The following PCDHA3 variants were observed in gnomAD, a reference collection of about 807,000 sequenced individuals.
PCDHA3 encodes the protein protocadherin alpha 3, also known as protocadherin alpha-3.
In PCDHA3, 41 loss-of-function variants were observed where a neutral mutation model predicts 62.2. The observed-to-expected ratio is 0.66, with a 90% CI of 0.51 to 0.86. The LOEUF is 0.86. Ranked by LOEUF, PCDHA3 falls within the 40% of genes least tolerant of loss-of-function variation. The probability of loss-of-function intolerance (pLI) is 0.00; values close to 1 mark genes in which losing one functional copy is unlikely to be tolerated. For missense variants in PCDHA3, 1,304 were observed against 1,241.2 expected (o/e 1.05, Z -0.76); for synonymous variants, 640 against 555.4 (o/e 1.15, Z -2.14).
intron 1 of PCDHA3, among the ~76,000 whole-genome samples, chr5:140,962,298 A>T (rs2095671297): frequency 6.6e-6 from 1 of 152,204 alleles, no homozygotes; most frequent in South Asian, 2.1e-4. Context: ...ATATTCTATG[A>T]TTCTTGTTAG....
chr5:140,873,153 C>T (rs2054129567), intron 1 of PCDHA3, among the ~76,000 whole-genome samples: 1 of 152,224 alleles, frequency 6.6e-6, no homozygotes, highest in East Asian at 1.9e-4. Flanking sequence ...TATTCATAGA[C>T]TTTAGATCGA....
chr5:140,821,713 T>C, intron 1 of PCDHA3: 1 of 1,478,600 alleles, frequency 6.8e-7, no homozygotes. Flanking sequence ...AATTGGGAAT[T>C]GAATTTACAA....
chr5:140,895,885 C>T (rs2065231883), intron 1 of PCDHA3, among the ~76,000 whole-genome samples: 1 of 152,174 alleles, frequency 6.6e-6, no homozygotes, highest in South Asian at 2.1e-4. Context: ...GATCTCGGCT[C>T]ACTGCAACCT....
chr5:140,907,761 T>C (rs1554193135), intron 1 of PCDHA3, among the ~76,000 whole-genome samples: 4 of 152,182 alleles, frequency 2.6e-5, no homozygotes, highest in African/African-American at 9.7e-5. Flanking sequence ...ATGGGCCCAT[T>C]GGGTGATGAC....
intron 1 of PCDHA3, among the ~76,000 whole-genome samples, chr5:140,950,402 G>A (rs1459486068): frequency 6.6e-6 from 1 of 151,846 alleles, no homozygotes; most frequent in African/African-American, 2.4e-5. Context: ...AATTCTGGGG[G>A]ATTGACAGAT....
chr5:140,947,704 G>T (rs1199039011), intron 1 of PCDHA3, among the ~76,000 whole-genome samples: 2 of 151,488 alleles, frequency 1.3e-5, no homozygotes, highest in East Asian at 3.9e-4. Flanking sequence ...GTAGTTTTAA[G>T]TATTGAGGTT....
intron 1 of PCDHA3, chr5:140,816,386 T>C (rs1379079395): frequency 6.6e-6 from 1 of 152,250 alleles, no homozygotes; most frequent in African/African-American, 2.4e-5. Context: ...GCTGAAATTC[T>C]GATTCTGCTT....
At chr5:140,841,754 T>A in intron 1 of PCDHA3, 1 of 1,613,818 alleles carries the variant, frequency 6.2e-7, no homozygotes, top group Non-Finnish European at 8.5e-7. Context: ...TGTTTCAGAA[T>A]CCAGAATGCC....
At chr5:140,870,496 G>A in intron 1 of PCDHA3, 1 of 1,614,234 alleles carries the variant, frequency 6.2e-7, no homozygotes, top group Non-Finnish European at 8.5e-7. Flanking sequence ...GTTCGTGAAG[G>A]AGAACAACCC....
intron 1 of PCDHA3, chr5:140,927,597 C>T (rs781933372): frequency 1.2e-6 from 2 of 1,614,200 alleles, no homozygotes; most frequent in South Asian, 1.1e-5. Context: ...TATTTGAGCG[C>T]TCCGTATACC....
intron 3 of PCDHA3, among the ~76,000 whole-genome samples, chr5:141,007,967 G>A (rs1191510244): frequency 6.6e-6 from 1 of 152,176 alleles, no homozygotes; most frequent in Admixed American, 6.5e-5. Flanking sequence ...TTCTCTGGGT[G>A]TCTGTCATGT....
At chr5:140,896,262 T>C (rs2065465092) in intron 1 of PCDHA3, among the ~76,000 whole-genome samples, 2 of 152,258 alleles carry the variant, frequency 1.3e-5, no homozygotes, top group African/African-American at 4.8e-5. Flanking sequence ...TGTACACAGT[T>C]ATGGGATTTG....
At chr5:140,884,871 A>T (rs1193714340) in intron 1 of PCDHA3, among the ~76,000 whole-genome samples, 1 of 152,210 alleles carries the variant, frequency 6.6e-6, no homozygotes, top group Non-Finnish European at 1.5e-5. Context: ...CCATAATGAA[A>T]TGTGCAAAAC....
Position 140,809,449 on chromosome 5 carries a change from G to A in PCDHA3, c.2394+5858G>A, listed in dbSNP as rs1254569390. The A allele has an allele frequency of 2.5e-6, 4 of 1,614,142 alleles. No homozygotes were observed. The African/African-American group carries it at 5.3e-5, about 22-fold the overall frequency. ...GGAGCTGGTCATACTCGCAGCAGAGGAGGCCGAGGGTGTGCTCTGGTGAGG... is the reference window on the plus strand; with the variant it reads ...GGAGCTGGTCATACTCGCAGCAGAGAAGGCCGAGGGTGTGCTCTGGTGAGG... On this transcript the variant is annotated intron_variant, in intron 1 of 3. Coordinates refer to ENST00000522353, the MANE Select transcript of PCDHA3 (RefSeq NM_018906.3).
At chr5:140,870,241 G>A (rs782478787) in intron 1 of PCDHA3, 2 of 1,614,196 alleles carry the variant, frequency 1.2e-6, no homozygotes, top group South Asian at 1.1e-5. Flanking sequence ...TGACTCAGGT[G>A]TCAACGGACA....
chr5:140,901,611 T>C (rs1261733801), intron 1 of PCDHA3, among the ~76,000 whole-genome samples: 1 of 152,204 alleles, frequency 6.6e-6, no homozygotes, highest in Non-Finnish European at 1.5e-5. Flanking sequence ...ATCTCTATGG[T>C]ATAATTTGAA....
intron 1 of PCDHA3, among the ~76,000 whole-genome samples, chr5:140,900,338 C>T (rs145242611): frequency 0.027 from 4,159 of 152,082 alleles, 89 homozygotes; most frequent in Non-Finnish European, 0.044. Flanking sequence ...AGTACCGTGG[C>T]GCAATCTTGG....
chr5:140,829,679 C>A (rs2150172389), intron 1 of PCDHA3: 1 of 1,613,198 alleles, frequency 6.2e-7, no homozygotes, highest in African/African-American at 1.3e-5. Context: ...GGAGCTAGAG[C>A]TGCTGCAGTT....
At chr5:140,978,914 C>A (rs2096828574) in intron 1 of PCDHA3, 35 bp from the exon 2 acceptor site, 10 of 1,613,852 alleles carry the variant, frequency 6.2e-6, no homozygotes, top group Non-Finnish European at 8.5e-6. Context: ...ATTGTCTTGT[C>A]ATTTTAACAG....
Sources: allele counts gnomAD v4.1 joint callset (sites outside exome capture counted in the v4.1 genomes callset), GRCh38; gene constraint gnomAD v4.1.1; transcripts MANE v1.5; gene names NCBI Gene and HGNC (gene_info 2026-07-23, HGNC 2026-07-21).